The following TENM1 variants were observed in gnomAD, a reference collection of about 807,000 sequenced individuals.
The protein encoded by TENM1 is teneurin-1.
Under a neutral mutation model 174.8 loss-of-function variants are expected in TENM1, and 35 were observed. The ratio of observed to expected loss-of-function variants is 0.20; its 90% CI spans 0.15 to 0.27. TENM1 has a LOEUF of 0.27. Ranked by LOEUF, TENM1 falls within the 10% of genes least tolerant of loss-of-function variation. TENM1 has a pLI of 1.00. For synonymous variants in TENM1, 781 were observed against 798.7 expected (o/e 0.98, Z 0.37); for missense variants, 1,633 against 2,130.1 (o/e 0.77, Z 4.59).
the TENM1 span, among the ~76,000 whole-genome samples, chrX:124,996,110 C>A: frequency 5.4e-5 from 6 of 111,477 alleles, no homozygotes; most frequent in African/African-American, 1.9e-4. Context: ...AATAAGTGGA[C>A]TTTTAATAGT....
the TENM1 span, among the ~76,000 whole-genome samples, chrX:125,053,539 GGT>G: frequency 2.7e-5 from 3 of 112,130 alleles, no homozygotes; most frequent in East Asian, 8.5e-4. Flanking sequence ...AGGAAATGGA[GGT>G]ACACTGGTAG....
At chrX:124,840,299 G>C (rs1196559738) in intron 3 of TENM1, among the ~76,000 whole-genome samples, 2 of 111,332 alleles carry the variant, frequency 1.8e-5, no homozygotes, top group Non-Finnish European at 3.8e-5. Flanking sequence ...AGAGGCTCAA[G>C]ACTGATCTGC....
chrX:125,145,872 G>A, the TENM1 span, among the ~76,000 whole-genome samples: 1 of 111,903 alleles, frequency 8.9e-6, no homozygotes, highest in Non-Finnish European at 1.9e-5. Flanking sequence ...TCAGGAAACC[G>A]TGATAGTAAA....
rs1315490693 is a variant in TENM1, at chrX:124,442,983, CT to C, written c.4104+10353del. 9.0e-4 allele frequency among the ~76,000 whole-genome samples: 83 copies of C among 92,099 alleles called. 1 individual carries two copies. The highest frequency in any genetic ancestry group is 1.6e-3 in the Non-Finnish European group (74 of 46,273). The allele number at this position is 92,099 out of a possible 115,157, so 80.0% of individuals were successfully genotyped here. A position where few individuals can be genotyped will look rare whatever the true frequency, so the allele number is the denominator to read the frequency against. On this transcript the variant is annotated intron_variant, in intron 23 of 31. Transcript: ENST00000422452. Reference sequence around the variant, plus strand: ...CTAGCCCTCTTCTGCTTTAAAACTACTGTTTTTTTTTTTCTTTTTTTTCCAC... The same window carrying C: ...CTAGCCCTCTTCTGCTTTAAAACTACGTTTTTTTTTTTCTTTTTTTTCCAC...
chrX:124,750,046 A>G (rs2054024962), intron 3 of TENM1, among the ~76,000 whole-genome samples: 1 of 112,163 alleles, frequency 8.9e-6, no homozygotes, highest in Non-Finnish European at 1.9e-5. Context: ...CAAAGAATTC[A>G]GTGATGACTT....
intron 17 of TENM1, among the ~76,000 whole-genome samples, chrX:124,522,727 T>C (rs933437811): frequency 2.8e-5 from 3 of 109,011 alleles, no homozygotes; most frequent in African/African-American, 6.7e-5. Context: ...TCACTCTTGT[T>C]GCCCAGGCTG....
chrX:124,687,234 C>T (rs1169774722), intron 5 of TENM1, among the ~76,000 whole-genome samples: 1 of 111,672 alleles, frequency 9.0e-6, no homozygotes, highest in Non-Finnish European at 1.9e-5. Flanking sequence ...TCAAAACAGA[C>T]ATATAGACCA....
intron 22 of TENM1, among the ~76,000 whole-genome samples, chrX:124,472,986 T>C (rs767471462): frequency 7.1e-5 from 8 of 112,037 alleles, no homozygotes; most frequent in African/African-American, 2.6e-4. Flanking sequence ...ACATTTTGCA[T>C]GGACAGAAGT....
chrX:124,585,535 C>G (rs1290002013), intron 11 of TENM1, among the ~76,000 whole-genome samples: 1 of 111,603 alleles, frequency 9.0e-6, no homozygotes, highest in Non-Finnish European at 1.9e-5. Flanking sequence ...ACATTCAAAG[C>G]AGTGTGTAGA....
the TENM1 span, among the ~76,000 whole-genome samples, chrX:125,077,375 C>A: frequency 9.1e-6 from 1 of 110,439 alleles, no homozygotes; most frequent in Non-Finnish European, 1.9e-5. Flanking sequence ...CGAATTAAGA[C>A]CTTAGCTCTA....
rs778685113 is a variant in TENM1, at chrX:124,380,899, C to T, written c.7836G>A (p.Val2612=). ...CATTCAACACAGAAGTCATCTGGGA[C>T]ACAGTGACATTGACACCATTCTCCA... The change falls in exon 32 of 32, where the codon GTG becomes GTA. Residue 2612 remains valine (V), a synonymous_variant. Transcript: ENST00000422452. 8 of 1,209,929 alleles carry T rather than the reference C, an allele frequency of 6.6e-6. No individual in the cohort carries two copies. In the South Asian group the frequency reaches 1.2e-4, roughly 19 times the overall value.
intron 5 of TENM1, among the ~76,000 whole-genome samples, chrX:124,702,025 T>C (rs12391324): frequency 0.023 from 2,619 of 111,984 alleles, 36 homozygotes; most frequent in African/African-American, 0.044. Context: ...GGAATTTGCA[T>C]GGGAAACAGA....
the TENM1 span, among the ~76,000 whole-genome samples, chrX:125,005,407 TTGTGTGTG>T: frequency 4.5e-3 from 399 of 89,483 alleles, 2 homozygotes; most frequent in African/African-American, 0.015. Context: ...CCTGACTTGG[TTGTGTGTG>T]TGTGTGTGTG....
the TENM1 span, among the ~76,000 whole-genome samples, chrX:125,002,331 A>G: frequency 1.8e-3 from 200 of 111,672 alleles, no homozygotes; most frequent in Non-Finnish European, 3.1e-3. Context: ...AAGGAGCTCC[A>G]TAAGTATGTT....
intron 4 of TENM1, among the ~76,000 whole-genome samples, chrX:124,728,151 A>T (rs1018305291): frequency 1.8e-5 from 2 of 111,027 alleles, no homozygotes; most frequent in African/African-American, 6.6e-5. Flanking sequence ...TGAAGAAAAA[A>T]AAAATCAAAG....
intron 23 of TENM1, among the ~76,000 whole-genome samples, chrX:124,451,947 A>C (rs2061042099): frequency 8.9e-6 from 1 of 112,220 alleles, no homozygotes; most frequent in African/African-American, 3.2e-5. Context: ...AATACCATTC[A>C]GGACATAGGC....
intron 1 of TENM1, among the ~76,000 whole-genome samples, chrX:124,962,820 A>AACAAG (rs1177123409): frequency 9.0e-5 from 10 of 110,721 alleles, no homozygotes; most frequent in African/African-American, 3.3e-4. Context: ...TCTGTCTCAA[A>AACAAG]ACAAGACAAA....
chrX:124,795,928 C>G (rs1042507045), intron 3 of TENM1, among the ~76,000 whole-genome samples: 1 of 110,725 alleles, frequency 9.0e-6, no homozygotes, highest in Non-Finnish European at 1.9e-5. Context: ...AGGCACTTTC[C>G]TTTTAAAGAT....
At chrX:124,570,735 A>T (rs192384762) in intron 11 of TENM1, among the ~76,000 whole-genome samples, 137 of 112,011 alleles carry the variant, frequency 1.2e-3, no homozygotes, top group Non-Finnish European at 2.1e-3. Flanking sequence ...AGGAACTTTC[A>T]ACTTTAATTT....
Sources: allele counts gnomAD v4.1 joint callset (sites outside exome capture counted in the v4.1 genomes callset), GRCh38; gene constraint gnomAD v4.1.1; transcripts MANE v1.5; gene names NCBI Gene and HGNC (gene_info 2026-07-23, HGNC 2026-07-21).